The following XKR9 variants were observed in gnomAD, a reference collection of about 807,000 sequenced individuals.
XKR9 encodes XK related 9.
In XKR9, 32 loss-of-function variants were observed where a neutral mutation model predicts 32.0. That is an observed-to-expected ratio of 1.00 (90% CI 0.76 to 1.34). XKR9 has a LOEUF of 1.34. Among genes scored for constraint, XKR9 ranks in the 40% most tolerant of loss-of-function variants. The probability of loss-of-function intolerance (pLI) is 0.00; values close to 1 mark genes in which losing one functional copy is unlikely to be tolerated. For synonymous variants in XKR9, 168 were observed against 143.4 expected, an observed-to-expected ratio of 1.17 and a Z score of -1.22; for missense variants, 546 against 429.7, an observed-to-expected ratio of 1.27 and a Z score of -2.39.
At chr8:70,784,259 T>C (rs1272167813) in intron 2 of XKR9, among the ~76,000 whole-genome samples, 1 of 152,190 alleles carries the variant, frequency 6.6e-6, no homozygotes. Flanking sequence ...GGAATTTTGA[T>C]AGAGATTGCA....
At chr8:70,706,875 A>G (rs1304789530) in intron 3 of XKR9, 58 bp from the exon 4 acceptor site, 15 of 1,390,614 alleles carry the variant, frequency 1.1e-5, no homozygotes, top group Non-Finnish European at 1.5e-5. Context: ...TATGTGTATT[A>G]ACAGACATGT....
At chr8:70,886,370 T>TA in the XKR9 span, among the ~76,000 whole-genome samples, 2 of 152,226 alleles carry the variant, frequency 1.3e-5, no homozygotes, top group African/African-American at 4.8e-5. Context: ...TGTGTCTTTA[T>TA]AGTAGAATGA....
chr8:70,842,547 T>TACACAC, the XKR9 span, among the ~76,000 whole-genome samples: 4,381 of 149,018 alleles, frequency 0.029, 73 homozygotes, highest in African/African-American at 0.033. Context: ...CATCATTATT[T>TACACAC]ACACACACAC....
chr8:70,825,135 A>C, the XKR9 span, among the ~76,000 whole-genome samples: 2 of 152,138 alleles, frequency 1.3e-5, no homozygotes, highest in African/African-American at 4.8e-5. Flanking sequence ...TTTTTCTAGA[A>C]GTTCACTTTC....
the XKR9 span, among the ~76,000 whole-genome samples, chr8:70,912,317 C>G: frequency 6.6e-6 from 1 of 152,008 alleles, no homozygotes; most frequent in East Asian, 1.9e-4. Flanking sequence ...ACAAATGGGG[C>G]AAGACCAGAA....
chr8:71,048,056 C>T, the XKR9 span, among the ~76,000 whole-genome samples: 4 of 152,130 alleles, frequency 2.6e-5, no homozygotes, highest in Non-Finnish European at 4.4e-5. Context: ...GAAGGAGCTT[C>T]CAACTTCCAT....
intron 2 of XKR9, among the ~76,000 whole-genome samples, chr8:70,751,426 G>A (rs906889991): frequency 5.3e-5 from 8 of 152,170 alleles, no homozygotes; most frequent in African/African-American, 1.9e-4. Flanking sequence ...ACCGTGCCCG[G>A]CCTGTGATAA....
intron 2 of XKR9, among the ~76,000 whole-genome samples, chr8:70,783,314 C>T (rs1807641562): frequency 6.6e-6 from 1 of 151,874 alleles, no homozygotes; most frequent in East Asian, 1.9e-4. Context: ...GCAAGCTCTG[C>T]CTCCTGGGTT....
At chr8:70,795,743 G>T in the XKR9 span, among the ~76,000 whole-genome samples, 1 of 151,074 alleles carries the variant, frequency 6.6e-6, no homozygotes, top group African/African-American at 2.4e-5. Flanking sequence ...CTGATGTTGA[G>T]TTTTTTTTTC....
chr8:70,768,549 A>T (rs143586681), intron 2 of XKR9, among the ~76,000 whole-genome samples: 2 of 152,070 alleles, frequency 1.3e-5, no homozygotes, highest in South Asian at 2.1e-4. Context: ...ATTGTGTGGG[A>T]GTCTAAGTCT....
chr8:70,886,882 T>C, the XKR9 span, among the ~76,000 whole-genome samples: 1 of 152,232 alleles, frequency 6.6e-6, no homozygotes, highest in Non-Finnish European at 1.5e-5. Flanking sequence ...AGAAACTCTT[T>C]AGTTTAATTA....
intron 3 of XKR9, among the ~76,000 whole-genome samples, chr8:70,703,730 G>A (rs1471057969): frequency 6.6e-6 from 1 of 152,036 alleles, no homozygotes; most frequent in African/African-American, 2.4e-5. Flanking sequence ...GTAATCAGTA[G>A]GGGAATCAGC....
At chr8:70,726,142 C>T (rs1393403831) in intron 4 of XKR9, among the ~76,000 whole-genome samples, 2 of 152,084 alleles carry the variant, frequency 1.3e-5, no homozygotes, top group African/African-American at 2.4e-5. Context: ...GAAGCAAGAA[C>T]ACACATCAAA....
intron 2 of XKR9, among the ~76,000 whole-genome samples, chr8:70,759,785 T>C (rs1198853352): frequency 6.6e-6 from 1 of 152,192 alleles, no homozygotes; most frequent in East Asian, 1.9e-4. Context: ...GGGGTTCCAA[T>C]AAACATTTGT....
chr8:70,955,194 C>T, the XKR9 span, among the ~76,000 whole-genome samples: 1 of 152,126 alleles, frequency 6.6e-6, no homozygotes, highest in Non-Finnish European at 1.5e-5. Context: ...AGACTATTAC[C>T]TCATTGTCTG....
At chr8:70,962,129 G>A in the XKR9 span, among the ~76,000 whole-genome samples, 12 of 152,018 alleles carry the variant, frequency 7.9e-5, no homozygotes, top group East Asian at 1.9e-4. Context: ...AGAGATATTC[G>A]TTTACTTAAG....
At chr8:70,961,405 A>G in the XKR9 span, among the ~76,000 whole-genome samples, 1 of 152,166 alleles carries the variant, frequency 6.6e-6, no homozygotes, top group Admixed American at 6.5e-5. Context: ...TGAAATCCAA[A>G]CTAATCCTGG....
At chr8:70,858,345 A>G in the XKR9 span, among the ~76,000 whole-genome samples, 1 of 152,198 alleles carries the variant, frequency 6.6e-6, no homozygotes, top group Non-Finnish European at 1.5e-5. Flanking sequence ...GAGCCAAATC[A>G]TGAGTGAACT....
the XKR9 span, among the ~76,000 whole-genome samples, chr8:70,931,186 T>C: frequency 2.0e-5 from 3 of 151,872 alleles, no homozygotes; most frequent in South Asian, 6.2e-4. Context: ...TTTATTTAAC[T>C]ACAGTGAGAA....
Sources: allele counts gnomAD v4.1 joint callset (sites outside exome capture counted in the v4.1 genomes callset), GRCh38; gene constraint gnomAD v4.1.1; transcripts MANE v1.5; gene names NCBI Gene and HGNC (gene_info 2026-07-23, HGNC 2026-07-21).